Variants in SLC9A9 observed in about 807,000 individuals in gnomAD.
SLC9A9 encodes sodium/hydrogen exchanger 9.
In SLC9A9, 62 loss-of-function variants were observed where a neutral mutation model predicts 77.8. The observed-to-expected ratio is 0.80, with a 90% CI of 0.65 to 0.98. SLC9A9 has a LOEUF of 0.98. SLC9A9 is among the 50% of genes least tolerant of loss of function. The probability of loss-of-function intolerance (pLI) is 0.00; values close to 1 mark genes in which losing one functional copy is unlikely to be tolerated. For synonymous variants in SLC9A9, 320 were observed against 283.5 expected (o/e 1.13, Z -1.29); for missense variants, 775 against 774.9 (o/e 1.00, Z 0.00).
chr3:143,802,028 C>T (rs144489719), intron 2 of SLC9A9, among the ~76,000 whole-genome samples: 231 of 152,330 alleles, frequency 1.5e-3, no homozygotes, highest in African/African-American at 5.5e-3. Flanking sequence ...TTGCCCTCGG[C>T]AACGCTTATG....
At chr3:143,669,252 A>G (rs2108763606) in intron 5 of SLC9A9, among the ~76,000 whole-genome samples, 1 of 152,312 alleles carries the variant, frequency 6.6e-6, no homozygotes, top group Non-Finnish European at 1.5e-5. Context: ...TCAATGTACA[A>G]TGTCTTCTTT....
At chr3:143,425,834 G>C (rs1036602158) in intron 12 of SLC9A9, among the ~76,000 whole-genome samples, 8 of 152,140 alleles carry the variant, frequency 5.3e-5, no homozygotes, top group African/African-American at 1.9e-4. Context: ...CACAATGACT[G>C]TTGCTAACAT....
chr3:143,781,684 G>T (rs1317174246), intron 4 of SLC9A9, among the ~76,000 whole-genome samples: 2 of 152,160 alleles, frequency 1.3e-5, no homozygotes, highest in Non-Finnish European at 2.9e-5. Context: ...AGAATTAGAT[G>T]AAAATAAAGA....
At chr3:143,814,572 G>T (rs1343690757) in intron 2 of SLC9A9, among the ~76,000 whole-genome samples, 1 of 152,222 alleles carries the variant, frequency 6.6e-6, no homozygotes. Flanking sequence ...AACACAGGAT[G>T]CTGAGTGAAA....
intron 13 of SLC9A9, among the ~76,000 whole-genome samples, chr3:143,380,118 C>T (rs1486547954): frequency 1.3e-5 from 2 of 152,112 alleles, no homozygotes; most frequent in East Asian, 1.9e-4. Flanking sequence ...AAACACCTTG[C>T]CCAAGACCCA....
At chr3:143,363,256 A>G (rs1375276434) in intron 14 of SLC9A9, among the ~76,000 whole-genome samples, 1 of 152,242 alleles carries the variant, frequency 6.6e-6, no homozygotes, top group African/African-American at 2.4e-5. Context: ...GGAAAACCTT[A>G]GATAAATTTG....
chr3:143,481,087 A>G (rs1208808947), intron 11 of SLC9A9, among the ~76,000 whole-genome samples: 1 of 152,232 alleles, frequency 6.6e-6, no homozygotes, highest in Non-Finnish European at 1.5e-5. Flanking sequence ...TTTATATACC[A>G]AATATTTATA....
intron 6 of SLC9A9, among the ~76,000 whole-genome samples, chr3:143,649,318 ATTCCCT>A (rs1353509241): frequency 6.6e-6 from 1 of 152,236 alleles, no homozygotes; most frequent in Non-Finnish European, 1.5e-5. Context: ...TGAGCATGAC[ATTCCCT>A]TTATGCTTGA....
At chr3:143,329,011 T>C (rs1036295844) in intron 14 of SLC9A9, among the ~76,000 whole-genome samples, 4 of 152,124 alleles carry the variant, frequency 2.6e-5, no homozygotes, top group Non-Finnish European at 4.4e-5. Flanking sequence ...TCCACTCGAG[T>C]TGACCTTTGC....
intron 12 of SLC9A9, among the ~76,000 whole-genome samples, chr3:143,434,384 T>A (rs568762342): frequency 6.6e-6 from 1 of 152,332 alleles, no homozygotes; most frequent in East Asian, 1.9e-4. Flanking sequence ...CCTCATGGGT[T>A]ATCCTTTTTG....
intron 12 of SLC9A9, among the ~76,000 whole-genome samples, chr3:143,459,083 T>C (rs921349156): frequency 4.6e-5 from 7 of 151,856 alleles, no homozygotes; most frequent in Non-Finnish European, 7.4e-5. Flanking sequence ...ATTCTAAATT[T>C]TTTATTTATT....
At chr3:143,831,354 C>A (rs1003787915) in intron 2 of SLC9A9, among the ~76,000 whole-genome samples, 1 of 152,170 alleles carries the variant, frequency 6.6e-6, no homozygotes, top group Non-Finnish European at 1.5e-5. Context: ...GACCCAGATT[C>A]CTGAAAGCAG....
chr3:143,423,007 C>T (rs975473722), intron 12 of SLC9A9, among the ~76,000 whole-genome samples: 2 of 152,056 alleles, frequency 1.3e-5, no homozygotes, highest in Non-Finnish European at 2.9e-5. Flanking sequence ...TTCCTTGAGC[C>T]TCCTAGTGGC....
intron 2 of SLC9A9, among the ~76,000 whole-genome samples, chr3:143,825,923 A>G (rs1416316787): frequency 6.6e-6 from 1 of 152,130 alleles, no homozygotes; most frequent in African/African-American, 2.4e-5. Context: ...TGATGAATAA[A>G]TTAATGATGA....
intron 12 of SLC9A9, among the ~76,000 whole-genome samples, chr3:143,394,058 T>C (rs2033637187): frequency 6.6e-6 from 1 of 152,014 alleles, no homozygotes; most frequent in Admixed American, 6.6e-5. Flanking sequence ...CTGAAACTAT[T>C]CCAATCAATA....
intron 4 of SLC9A9, among the ~76,000 whole-genome samples, chr3:143,792,644 G>T (rs2008258350): frequency 6.6e-6 from 1 of 152,072 alleles, no homozygotes; most frequent in South Asian, 2.1e-4. Flanking sequence ...TTGGTGCCTT[G>T]TGAGTGTCTC....
chr3:143,286,561 A>G (rs905692561), intron 14 of SLC9A9, among the ~76,000 whole-genome samples: 3 of 152,234 alleles, frequency 2.0e-5, no homozygotes, highest in African/African-American at 2.4e-5. Flanking sequence ...GCCTGGTGAC[A>G]TTCCTTCCAA....
At chr3:143,750,808 A>G (rs1288254875) in intron 4 of SLC9A9, among the ~76,000 whole-genome samples, 1 of 150,852 alleles carries the variant, frequency 6.6e-6, no homozygotes, top group African/African-American at 2.4e-5. Context: ...CTTTTAAAAA[A>G]CAAACCCATG....
At chr3:143,299,027 G>T (rs1475610625) in intron 14 of SLC9A9, among the ~76,000 whole-genome samples, 1 of 152,180 alleles carries the variant, frequency 6.6e-6, no homozygotes, top group Non-Finnish European at 1.5e-5. Context: ...ATGTACGCCT[G>T]TATTATTGTA....
Sources: gnomAD v4.1 joint callset for allele counts (sites outside exome capture counted in the v4.1 genomes callset) on GRCh38, gnomAD v4.1.1 for gene constraint, MANE v1.5 for transcripts, NCBI Gene and HGNC (gene_info 2026-07-23, HGNC 2026-07-21) for gene names.